Variants in PRKCE observed in about 807,000 individuals in gnomAD.
PRKCE encodes protein kinase C epsilon type.
A neutral mutation model predicts 85.4 loss-of-function variants in PRKCE; 16 were observed. The observed-to-expected ratio is 0.19, with a 90% CI of 0.13 to 0.28. PRKCE has a LOEUF of 0.28. Ranked by LOEUF, PRKCE falls within the 10% of genes least tolerant of loss-of-function variation. The probability of loss-of-function intolerance (pLI) is 1.00; values close to 1 mark genes in which losing one functional copy is unlikely to be tolerated. For synonymous variants in PRKCE, 388 were observed against 371.5 expected, an observed-to-expected ratio of 1.04 and a Z score of -0.51; for missense variants, 573 against 975.2, an observed-to-expected ratio of 0.59 and a Z score of 5.49.
Position 46,185,938 on chromosome 2 carries a change from T to C in PRKCE, c.*1057T>C, listed in dbSNP as rs940089097. 1.3e-5 allele frequency: 2 copies of C among 152,288 alleles called. No individual in the cohort carries two copies. Among genetic ancestry groups the C allele is most frequent in the Non-Finnish European group, 2.9e-5 (2 of 68,048 alleles). The allele number at this position is 152,288 out of a possible 1,614,324, so 9.4% of individuals were successfully genotyped here. A position where few individuals can be genotyped will look rare whatever the true frequency, so the allele number is the denominator to read the frequency against. On this transcript the variant is annotated 3_prime_UTR_variant, in exon 15 of 15. Transcript: ENST00000306156. This position sits in a 1 kb window ranked among gnomAD's most constrained non-coding sequence, Gnocchi z 4.7. ...ACAAAATGGTAGTACTACTGTGTTG[T>C]GGTTTTTAAACATTAAACATGTAAA...
intron 1 of PRKCE, among the ~76,000 whole-genome samples, chr2:45,823,230 T>C (rs1573498182): frequency 1.3e-5 from 2 of 152,208 alleles, no homozygotes; most frequent in East Asian, 1.9e-4. Context: ...GCTTGAGAAG[T>C]TTGTCCTCGA....
Position 46,015,691 on chromosome 2 carries a change from CAAAAAAAA to C in PRKCE, c.1437+5189_1437+5196del, listed in dbSNP as rs749060776. Among the ~76,000 whole-genome samples, 33 of 80,796 alleles carry C rather than the reference CAAAAAAAA, an allele frequency of 4.1e-4. 1 individual carries two copies. Among genetic ancestry groups the C allele is most frequent in the Admixed American group, 1.6e-3 (11 of 6,792 alleles). 53.0% of individuals were successfully genotyped at this position (80,796 alleles called of 152,430 possible). ...ACTCTGAAGAACAGAAACACTAAAC[CAAAAAAAA>C]AAAAAAAAAAAAAACGAAGTAAAAA... On this transcript the variant is annotated intron_variant, in intron 10 of 14. Coordinates refer to ENST00000306156, the MANE Select transcript of PRKCE (RefSeq NM_005400.3).
chr2:45,953,559 C>T (rs1291941567), intron 2 of PRKCE, among the ~76,000 whole-genome samples: 2 of 152,222 alleles, frequency 1.3e-5, no homozygotes, highest in African/African-American at 4.8e-5. Flanking sequence ...GAACCCAAAA[C>T]ACTCATTCAG....
chr2:46,120,285 T>C (rs1383255078), intron 11 of PRKCE, among the ~76,000 whole-genome samples: 1 of 152,084 alleles, frequency 6.6e-6, no homozygotes, highest in East Asian at 1.9e-4. Context: ...CAGGGAAGAT[T>C]TGGCAATGTC....
At position 45,733,987 on chromosome 2, in the gene PRKCE, C is replaced by A. The variant is rs146568405; in HGVS notation, c.348+81539C>A. Among the ~76,000 whole-genome samples, 491 of 152,316 alleles carry A rather than the reference C, an allele frequency of 3.2e-3. 1 individual carries two copies. The highest frequency in any genetic ancestry group is 3.9e-3 in the Non-Finnish European group (266 of 68,012). On this transcript the variant is annotated intron_variant, in intron 1 of 14. Coordinates refer to ENST00000306156, the MANE Select transcript of PRKCE (RefSeq NM_005400.3). Reference sequence around the variant, plus strand: ...CCTGGAAGGCAGGGGCCATCTCACACTTTTTATATCTGCTGTATAGCAGGT... The same window carrying A: ...CCTGGAAGGCAGGGGCCATCTCACAATTTTTATATCTGCTGTATAGCAGGT...
chr2:45,965,461 A>C (rs1380339434), intron 2 of PRKCE, among the ~76,000 whole-genome samples: 1 of 152,238 alleles, frequency 6.6e-6, no homozygotes, highest in Non-Finnish European at 1.5e-5. Flanking sequence ...GCATTATTGA[A>C]AGGGAAAATT....
intron 1 of PRKCE, among the ~76,000 whole-genome samples, chr2:45,661,838 C>G (rs1675677598): frequency 1.3e-5 from 2 of 152,122 alleles, no homozygotes; most frequent in South Asian, 4.2e-4. Context: ...TGTCCCCAGC[C>G]TAGAAGAGTT....
At chr2:46,062,327 G>C (rs925323445) in intron 10 of PRKCE, among the ~76,000 whole-genome samples, 4 of 152,198 alleles carry the variant, frequency 2.6e-5, no homozygotes, top group African/African-American at 9.7e-5. Flanking sequence ...GAGGTCGTTT[G>C]TGTGTTCTGG....
At chr2:45,657,708 G>C (rs1675442449) in intron 1 of PRKCE, among the ~76,000 whole-genome samples, 1 of 152,178 alleles carries the variant, frequency 6.6e-6, no homozygotes, top group Admixed American at 6.5e-5. Flanking sequence ...TTCCCAAGTA[G>C]CCCATCGGCA....
At chr2:46,177,151 C>T (rs528918322) in intron 14 of PRKCE, among the ~76,000 whole-genome samples, 1 of 152,254 alleles carries the variant, frequency 6.6e-6, no homozygotes, top group Admixed American at 6.5e-5. Context: ...TATGGTAGCT[C>T]ACACCTGTAA....
chr2:45,721,381 T>A (rs1032932495), intron 1 of PRKCE, among the ~76,000 whole-genome samples: 2 of 152,122 alleles, frequency 1.3e-5, no homozygotes, highest in African/African-American at 4.8e-5. Flanking sequence ...GTGCAGGGGA[T>A]GTCACCAGGC....
chr2:45,673,995 A>G (rs991768852), intron 1 of PRKCE, among the ~76,000 whole-genome samples: 27 of 151,746 alleles, frequency 1.8e-4, no homozygotes, highest in Middle Eastern at 3.4e-3. Flanking sequence ...TCACAAATCA[A>G]TTGTTGCTTG....
At chr2:46,109,521 T>C (rs1672057280) in intron 11 of PRKCE, among the ~76,000 whole-genome samples, 1 of 152,190 alleles carries the variant, frequency 6.6e-6, no homozygotes, top group South Asian at 2.1e-4. Flanking sequence ...TGCAAATACA[T>C]AGGACATCAG....
Position 45,774,903 on chromosome 2 carries a change from C to T in PRKCE, c.349-68097C>T, listed in dbSNP as rs183487746. ...TGTGACCCGAGGAAGCCCAGTGACACGGTCCCAGCAAGGGTGTGGTGAAGG... is the reference window on the plus strand; with the variant it reads ...TGTGACCCGAGGAAGCCCAGTGACATGGTCCCAGCAAGGGTGTGGTGAAGG... On this transcript the variant is annotated intron_variant, in intron 1 of 14. Coordinates refer to ENST00000306156, the MANE Select transcript of PRKCE (RefSeq NM_005400.3). This position sits in a 1 kb window ranked among gnomAD's most constrained non-coding sequence, Gnocchi z 4.3. Among the ~76,000 whole-genome samples the T allele has an allele frequency of 2.8e-3, 427 of 150,164 alleles. 9 individuals carry two copies. The highest frequency in any genetic ancestry group is 0.027 in the Admixed American group (405 of 14,972).
chr2:45,707,245 G>A (rs1006567230), intron 1 of PRKCE, among the ~76,000 whole-genome samples: 13 of 152,196 alleles, frequency 8.5e-5, no homozygotes, highest in African/African-American at 2.9e-4. Flanking sequence ...CCAGGCCTGT[G>A]CATCAGTCCC....
At chr2:45,719,105 G>A (rs1427968379) in intron 1 of PRKCE, among the ~76,000 whole-genome samples, 1 of 152,232 alleles carries the variant, frequency 6.6e-6, no homozygotes, top group African/African-American at 2.4e-5. Context: ...AGCAGGTTGA[G>A]AAGGCTCGAG....
intron 2 of PRKCE, among the ~76,000 whole-genome samples, chr2:45,857,800 AG>A (rs1692798086): frequency 6.6e-6 from 1 of 152,186 alleles, no homozygotes; most frequent in African/African-American, 2.4e-5. Context: ...CTATCGGGGC[AG>A]GGACTGTGTT....
chr2:45,946,167 G>A (rs1396960399), intron 2 of PRKCE, among the ~76,000 whole-genome samples: 1 of 152,240 alleles, frequency 6.6e-6, no homozygotes, highest in East Asian at 1.9e-4. Context: ...ATGAGGAGGA[G>A]CCCTGCATCC....
chr2:46,161,891 C>T (rs990374180), intron 14 of PRKCE, among the ~76,000 whole-genome samples: 4 of 152,102 alleles, frequency 2.6e-5, no homozygotes, highest in Admixed American at 6.5e-5. Flanking sequence ...AAGTGCAGGC[C>T]TTCTGAGAGG....
Sources: allele counts gnomAD v4.1 joint callset (sites outside exome capture counted in the v4.1 genomes callset), GRCh38; gene constraint gnomAD v4.1.1; non-coding constraint Gnocchi (gnomAD v3.1); transcripts MANE v1.5; gene names NCBI Gene and HGNC (gene_info 2026-07-23, HGNC 2026-07-21).